Variants in CRADD observed in about 807,000 individuals in gnomAD.
CRADD encodes the protein CARD and death domain containing adaptor protein.
Under a neutral mutation model 15.5 loss-of-function variants are expected in CRADD, and 9 were observed. The observed-to-expected ratio is 0.58, with a 90% confidence interval of 0.35 to 1.01. The LOEUF (loss-of-function observed/expected upper bound fraction) is 1.01, where lower values mean the gene tolerates loss of function less well. Among genes scored for constraint, CRADD ranks in the 50% least tolerant of loss-of-function variants. The probability of loss-of-function intolerance (pLI) is 0.02; values close to 1 mark genes in which losing one functional copy is unlikely to be tolerated. For missense variants in CRADD, 227 were observed against 250.3 expected (o/e 0.91, Z 0.63); for synonymous variants, 118 against 107.6 (o/e 1.10, Z -0.60).
At chr12:93,866,269 A>T (rs1317333679) in intron 2 of CRADD, among the ~76,000 whole-genome samples, 1 of 152,060 alleles carries the variant, frequency 6.6e-6, no homozygotes, top group African/African-American at 2.4e-5. Flanking sequence ...GTGTTTGGAT[A>T]TTGGACTTCC....
At chr12:93,719,637 C>T (rs1956223343) in intron 2 of CRADD, among the ~76,000 whole-genome samples, 2 of 152,108 alleles carry the variant, frequency 1.3e-5, no homozygotes, top group Non-Finnish European at 2.9e-5. Context: ...TGCAGGCCAA[C>T]TTAGATTGTT....
chr12:93,847,692 T>C (rs1958147582), intron 2 of CRADD, among the ~76,000 whole-genome samples: 1 of 151,852 alleles, frequency 6.6e-6, no homozygotes, highest in Admixed American at 6.6e-5. Flanking sequence ...GGGGCATGGA[T>C]GATTGTTAAA....
At chr12:93,879,741 T>G (rs1188512911) in intron 2 of CRADD, among the ~76,000 whole-genome samples, 1 of 152,194 alleles carries the variant, frequency 6.6e-6, no homozygotes, top group African/African-American at 2.4e-5. Context: ...TAGTTCTTAT[T>G]CTAAGGGTCT....
At chr12:93,788,787 C>T (rs752367565) in intron 2 of CRADD, among the ~76,000 whole-genome samples, 27 of 152,134 alleles carry the variant, frequency 1.8e-4, no homozygotes, top group Non-Finnish European at 2.5e-4. Context: ...AGTTTTCCCA[C>T]CATTTAAGGG....
Position 93,678,874 on chromosome 12 carries a change from G to A in CRADD, c.100G>A (p.Gly34Arg). 1 of 1,614,202 alleles carries A rather than the reference G, an allele frequency of 6.2e-7. No individual in the cohort carries two copies. The highest frequency in any genetic ancestry group is 8.5e-7 in the Non-Finnish European group (1 of 1,180,034). The part of the protein sequence containing the change: ...GLVLQYLYQE[G>R]ILTENHIQEI... ...GGTTCTTCAGTACCTCTACCAGGAA[G>A]GAATCTTGACGGAAAACCATATTCA... is the stretch of plus-strand genomic sequence containing the variant. Residue 34 changes from glycine to arginine, a missense_variant, in exon 2 of 3, where the codon GGA (glycine) becomes AGA (arginine). Transcript: ENST00000332896.
chr12:93,886,162 CTTTTTTTTT>C (rs761719331), intron 2 of CRADD, among the ~76,000 whole-genome samples: 6 of 123,948 alleles, frequency 4.8e-5, no homozygotes, highest in Admixed American at 8.5e-5. Flanking sequence ...GCTGCTGATG[CTTTTTTTTT>C]TTTTTTTTTT....
chr12:93,841,848 G>A (rs1029783131), intron 2 of CRADD, among the ~76,000 whole-genome samples: 2 of 151,990 alleles, frequency 1.3e-5, no homozygotes, highest in African/African-American at 2.4e-5. Context: ...TTCTAGTCCC[G>A]CACACCTGCA....
chr12:93,836,394 C>G (rs1234797703), intron 2 of CRADD, among the ~76,000 whole-genome samples: 2 of 152,090 alleles, frequency 1.3e-5, no homozygotes, highest in Non-Finnish European at 2.9e-5. Flanking sequence ...GGGATGGAGA[C>G]TCTGGGGTCA....
chr12:93,782,398 G>T (rs192060711), intron 2 of CRADD, among the ~76,000 whole-genome samples: 5 of 151,704 alleles, frequency 3.3e-5, no homozygotes, highest in Non-Finnish European at 7.4e-5. Flanking sequence ...TGCTAAATGA[G>T]GAGTTAATGG....
chr12:93,750,310 T>G (rs950203606), intron 2 of CRADD, among the ~76,000 whole-genome samples: 1 of 151,206 alleles, frequency 6.6e-6, no homozygotes, highest in Non-Finnish European at 1.5e-5. Flanking sequence ...AACTTGGTAA[T>G]AAGATGAAAG....
chr12:93,797,855 G>A (rs560603689), intron 2 of CRADD, among the ~76,000 whole-genome samples: 4 of 152,298 alleles, frequency 2.6e-5, no homozygotes, highest in South Asian at 2.1e-4. Context: ...CAAGTATGGC[G>A]TAGAAAGGGC....
At chr12:93,728,626 A>T (rs1956410323) in intron 2 of CRADD, among the ~76,000 whole-genome samples, 1 of 152,220 alleles carries the variant, frequency 6.6e-6, no homozygotes, top group African/African-American at 2.4e-5. Context: ...AAAACATAAA[A>T]TATAGTAAAT....
chr12:93,878,840 C>T (rs1454495725), intron 2 of CRADD, among the ~76,000 whole-genome samples: 1 of 152,112 alleles, frequency 6.6e-6, no homozygotes, highest in African/African-American at 2.4e-5. Flanking sequence ...GCTCTTTCAT[C>T]GGTATGAAGA....
Position 93,796,554 on chromosome 12 carries a change from G to A in CRADD, c.299-53416G>A, listed in dbSNP as rs60510911. ...CAGGAGGCAGAGGGTGCAGTGAGCCGAGATCACGCCACTGTACTCCAGCAG... is the reference window on the plus strand; with the variant it reads ...CAGGAGGCAGAGGGTGCAGTGAGCCAAGATCACGCCACTGTACTCCAGCAG... On this transcript the variant is annotated intron_variant, in intron 2 of 2. Transcript: ENST00000332896. 8.2e-3 allele frequency among the ~76,000 whole-genome samples: 1,206 copies of A among 147,278 alleles called. 23 individuals carry two copies. The highest frequency in any genetic ancestry group is 0.029 in the African/African-American group (1,148 of 39,842).
At chr12:93,846,249 G>T (rs10859599) in intron 2 of CRADD, among the ~76,000 whole-genome samples, 42,958 of 151,980 alleles carry the variant, frequency 0.28, 6,454 homozygotes, top group Middle Eastern at 0.36. Context: ...ATAGGTGTAC[G>T]AATTTCTCTT....
At chr12:93,825,447 G>T (rs1481068850) in intron 2 of CRADD, among the ~76,000 whole-genome samples, 1 of 152,144 alleles carries the variant, frequency 6.6e-6, no homozygotes, top group Non-Finnish European at 1.5e-5. Flanking sequence ...ATGGCTTTAA[G>T]AGTAAAAGTG....
At chr12:93,786,525 C>T (rs1957279525) in intron 2 of CRADD, among the ~76,000 whole-genome samples, 1 of 152,140 alleles carries the variant, frequency 6.6e-6, no homozygotes, top group Non-Finnish European at 1.5e-5. Flanking sequence ...TCTTGATGGC[C>T]AGTTGCTCAC....
chr12:93,893,241 A>G (rs1329523266), intron 2 of CRADD, among the ~76,000 whole-genome samples: 2 of 152,210 alleles, frequency 1.3e-5, no homozygotes, highest in Non-Finnish European at 2.9e-5. Flanking sequence ...TTAAAGCAAC[A>G]GTGTCTTTCT....
intron 2 of CRADD, among the ~76,000 whole-genome samples, chr12:93,739,194 C>T (rs1417193724): frequency 2.0e-5 from 3 of 152,018 alleles, no homozygotes; most frequent in African/African-American, 4.8e-5. Context: ...CTGATGAACT[C>T]GACTTTCTTT....
Sources: gnomAD v4.1 joint callset for allele counts (sites outside exome capture counted in the v4.1 genomes callset) on GRCh38, gnomAD v4.1.1 for gene constraint, MANE v1.5 for transcripts, NCBI Gene and HGNC (gene_info 2026-07-23, HGNC 2026-07-21) for gene names.